Variants in NDUFAF6 observed in about 807,000 individuals in gnomAD.
The protein encoded by NDUFAF6 is NADH:ubiquinone oxidoreductase complex assembly factor 6.
NDUFAF6 carries 45 observed loss-of-function variants against 40.8 expected under a neutral mutation model. The observed-to-expected ratio is 1.10, with a 90% CI of 0.87 to 1.42. The LOEUF is 1.42. Among genes scored for constraint, NDUFAF6 ranks in the 40% most tolerant of loss-of-function variants. The pLI, the probability that NDUFAF6 is intolerant of heterozygous loss-of-function variation, is 0.00. For synonymous variants in NDUFAF6, 185 were observed against 155.9 expected, an observed-to-expected ratio of 1.19 and a Z score of -1.39; for missense variants, 435 against 418.5, an observed-to-expected ratio of 1.04 and a Z score of -0.34.
upstream of NDUFAF6, among the ~76,000 whole-genome samples, chr8:95,021,287 A>G (rs1271060913): frequency 6.6e-6 from 1 of 152,198 alleles, no homozygotes; most frequent in East Asian, 1.9e-4. Context: ...CTCCTTGAAG[A>G]TACAGCACAC....
In NDUFAF6 at chr8:95,018,180, C is replaced by G. The variant is rs550479110; in HGVS notation, c.-83-13815C>G. On this transcript the variant is annotated intron_variant, in intron 2 of 9. Coordinates refer to the NDUFAF6 transcript ENST00000396111. ...CTCAGCCTTTGAGTAGCTGGGACCA[C>G]AGGTGGGCACCACCATGCTTGGCTA... 1.5e-4 allele frequency among the ~76,000 whole-genome samples: 23 copies of G among 149,200 alleles called. No individual in the cohort carries two copies. In the South Asian group the frequency reaches 5.0e-3, roughly 32 times the overall value.
At chr8:94,956,886 G>T (rs1278597386), upstream of NDUFAF6, among the ~76,000 whole-genome samples, 1 of 152,058 alleles carries the variant, frequency 6.6e-6, no homozygotes, top group Admixed American at 6.6e-5. Flanking sequence ...TAAAGGGAAT[G>T]GGGGCCAGGC....
chr8:94,934,784 T>C (rs1586709733), intron 1 of NDUFAF6, among the ~76,000 whole-genome samples: 1 of 152,272 alleles, frequency 6.6e-6, no homozygotes, highest in South Asian at 2.1e-4. Flanking sequence ...ATTAAATCAA[T>C]AGCAACTCCA....
chr8:94,963,486 G>C (rs1251029501), intron 1 of NDUFAF6, among the ~76,000 whole-genome samples: 1 of 152,212 alleles, frequency 6.6e-6, no homozygotes, highest in East Asian at 1.9e-4. Context: ...ATATGAAAAA[G>C]GACTTGAAGG....
intron 2 of NDUFAF6, among the ~76,000 whole-genome samples, chr8:95,092,807 A>G (rs974864186): frequency 3.3e-5 from 5 of 151,692 alleles, no homozygotes; most frequent in African/African-American, 4.9e-5. Context: ...GATGATCTTG[A>G]TCTCCTGACC....
At chr8:94,938,167 C>T (rs1337433124) in intron 1 of NDUFAF6, among the ~76,000 whole-genome samples, 2 of 152,152 alleles carry the variant, frequency 1.3e-5, no homozygotes, top group African/African-American at 2.4e-5. Context: ...TTGCTAAAAC[C>T]ATTTCTGCTT....
chr8:95,001,126 T>A (rs1037600593), intron 2 of NDUFAF6, among the ~76,000 whole-genome samples: 2 of 151,908 alleles, frequency 1.3e-5, no homozygotes, highest in Non-Finnish European at 2.9e-5. Flanking sequence ...GCTAATTTTT[T>A]AAAATTTTTA....
At chr8:94,951,544 T>C (rs1822617632) in intron 2 of NDUFAF6, 1 of 152,266 alleles carries the variant, frequency 6.6e-6, no homozygotes, top group Admixed American at 6.5e-5. Flanking sequence ...TTCTGTTTAC[T>C]CTCTTGCTGA....
intron 2 of NDUFAF6, among the ~76,000 whole-genome samples, chr8:94,945,938 G>C (rs150007285): frequency 5.2e-4 from 79 of 152,250 alleles, no homozygotes; most frequent in African/African-American, 1.8e-3. Context: ...CTTTGTCCTT[G>C]TTCTGCTTGG....
intron 1 of NDUFAF6, among the ~76,000 whole-genome samples, chr8:94,942,669 G>A (rs2956213): frequency 6.6e-6 from 1 of 152,234 alleles, no homozygotes; most frequent in Non-Finnish European, 1.5e-5. Flanking sequence ...CCTCCCACAA[G>A]TTTAACAATC....
chr8:94,960,633 T>C (rs1313069410), intron 1 of NDUFAF6, among the ~76,000 whole-genome samples: 1 of 152,242 alleles, frequency 6.6e-6, no homozygotes, highest in Non-Finnish European at 1.5e-5. Context: ...CACATCTTCT[T>C]ACCAACCTTT....
intron 2 of NDUFAF6, among the ~76,000 whole-genome samples, 180 bp from the exon 3 acceptor site, chr8:95,035,274 G>A (rs1410513613): frequency 6.6e-6 from 1 of 152,144 alleles, no homozygotes; most frequent in Non-Finnish European, 1.5e-5. Flanking sequence ...TTATTTAAAA[G>A]TACATGCAGT....
chr8:95,056,731 C>A (rs926787242), intron 8 of NDUFAF6, among the ~76,000 whole-genome samples: 1 of 151,480 alleles, frequency 6.6e-6, no homozygotes, highest in Non-Finnish European at 1.5e-5. Context: ...GTGGTGAAAC[C>A]CTGTCTCTAC....
chr8:95,059,475 T>A (rs1227146343), downstream of NDUFAF6, among the ~76,000 whole-genome samples: 11 of 152,224 alleles, frequency 7.2e-5, no homozygotes, highest in Admixed American at 7.2e-4. Context: ...GACTCTTAGT[T>A]GGTACTGATG....
intron 4 of NDUFAF6, among the ~76,000 whole-genome samples, chr8:95,108,987 T>C (rs1346135463): frequency 1.3e-5 from 2 of 152,228 alleles, no homozygotes; most frequent in Non-Finnish European, 2.9e-5. Flanking sequence ...TCATTGAACC[T>C]AAGTGGAATA....
At chr8:94,939,171 AT>A (rs1174296038) in intron 1 of NDUFAF6, among the ~76,000 whole-genome samples, 2 of 152,216 alleles carry the variant, frequency 1.3e-5, no homozygotes, top group Non-Finnish European at 2.9e-5. Flanking sequence ...ACATCATTTG[AT>A]GAGATGTAGC....
intron 2 of NDUFAF6, among the ~76,000 whole-genome samples, chr8:95,094,894 A>C (rs1276415424): frequency 1.3e-5 from 2 of 151,426 alleles, no homozygotes; most frequent in Non-Finnish European, 2.9e-5. Context: ...CTAAGACTAC[A>C]GGTGCACACC....
chr8:94,980,245 C>A (rs10956934), intron 1 of NDUFAF6, among the ~76,000 whole-genome samples: 66,072 of 149,768 alleles, frequency 0.44, 15,349 homozygotes, highest in East Asian at 0.65. Context: ...AGAGTATATT[C>A]TCCTTTTATA....
At chr8:95,073,636 T>A (rs983529191) in intron 9 of NDUFAF6, among the ~76,000 whole-genome samples, 1 of 152,152 alleles carries the variant, frequency 6.6e-6, no homozygotes, top group African/African-American at 2.4e-5. Context: ...ACACCTTCAC[T>A]GGGTGTCTTT....
Sources: allele counts gnomAD v4.1 joint callset (sites outside exome capture counted in the v4.1 genomes callset), GRCh38; gene constraint gnomAD v4.1.1; transcripts MANE v1.5; gene names NCBI Gene and HGNC (gene_info 2026-07-23, HGNC 2026-07-21).